NLGN2: variants seen among roughly 807,000 people sequenced by gnomAD.
NLGN2 encodes the protein neuroligin 2, also known as neuroligin-2.
NLGN2 carries 11 observed loss-of-function variants against 48.6 expected under a neutral mutation model. That is an observed-to-expected ratio of 0.23 (90% CI 0.14 to 0.37). The LOEUF (loss-of-function observed/expected upper bound fraction) is 0.37, where lower values mean the gene tolerates loss of function less well. Ranked by LOEUF, NLGN2 falls within the 10% of genes least tolerant of loss-of-function variation. The probability of loss-of-function intolerance (pLI) is 1.00; values close to 1 mark genes in which losing one functional copy is unlikely to be tolerated. For missense variants in NLGN2, 801 were observed against 1,225.2 expected, an observed-to-expected ratio of 0.65 and a Z score of 5.17; for synonymous variants, 548 against 550.0, an observed-to-expected ratio of 1.00 and a Z score of 0.05.
upstream of NLGN2, among the ~76,000 whole-genome samples, chr17:7,407,803 GGAGTGGGGA>G (rs1906703209): frequency 6.6e-6 from 1 of 152,050 alleles, no homozygotes; most frequent in Non-Finnish European, 1.5e-5. Context: ...CTGCTGGGTG[GGAGTGGGGA>G]GGTGTCAGGG....
In NLGN2 at chr17:7,408,938, C is replaced by T. The variant is rs910060034; in HGVS notation, c.457+226C>T. ...AGACAGCCTCTCCATAAGTTCTTTA[C>T]GCCCATGGGGGGCCATGGTAGGGAT... On this transcript the variant is annotated intron_variant, in intron 1 of 6. Coordinates refer to ENST00000302926, the MANE Select transcript of NLGN2 (RefSeq NM_020795.4). This position sits in a 1 kb window ranked among gnomAD's most constrained non-coding sequence, Gnocchi z 7.5. Among the ~76,000 whole-genome samples, 5 of 152,150 alleles carry T rather than the reference C, an allele frequency of 3.3e-5. No individual in the cohort carries two copies. The highest frequency in any genetic ancestry group is 4.4e-5 in the Non-Finnish European group (3 of 68,012).
At position 7,408,478 on chromosome 17, in the gene NLGN2, G is replaced by A. The variant is rs1906748938; in HGVS notation, c.223G>A (p.Ala75Thr). ...PVVQFLGVPY[A>T]TPPLGARRFQ... ...CGTGCAGTTCTTGGGCGTGCCCTAC[G>A]CCACGCCGCCCCTGGGCGCCCGCCG... Residue 75 changes from alanine to threonine, a missense_variant, in exon 1 of 7, where the codon GCC (alanine) becomes ACC (threonine). Around this residue, in one of 5 missense-constraint regions of NLGN2, gnomAD observed 164 missense variants for 186.2 expected, o/e 0.88. Transcript: ENST00000302926. The surrounding 1 kb of genome is among the most constrained non-coding windows in gnomAD (Gnocchi z 7.5). The A allele has an allele frequency of 1.3e-6, 2 of 1,524,962 alleles. No homozygotes were observed. Among genetic ancestry groups the A allele is most frequent in the South Asian group, 1.2e-5 (1 of 81,686 alleles). 94.5% of individuals were successfully genotyped at this position (1,524,962 alleles called of 1,614,324 possible).
rs759648194 is a variant in NLGN2, at chr17:7,417,322, C to T, written c.2031C>T (p.Ser677=). 1.1e-5 allele frequency: 17 copies of T among 1,610,426 alleles called. No homozygotes were observed. In the Admixed American group the frequency reaches 1.3e-4, roughly 13 times the overall value. Residue 677 remains serine (S), a synonymous_variant, in exon 7 of 7, where the codon AGC becomes AGT. Transcript: ENST00000302926. Reference sequence around the variant, plus strand: ...CACGGGACTACTCCACGGAGCTGAGCGTCACCGTGGCCGTGGGTGCCTCCC... The same window carrying T: ...CACGGGACTACTCCACGGAGCTGAGTGTCACCGTGGCCGTGGGTGCCTCCC... ...GDSRDYSTEL[S]VTVAVGASLL...
upstream of NLGN2, among the ~76,000 whole-genome samples, chr17:7,406,516 T>C (rs562528163): frequency 6.6e-6 from 1 of 152,146 alleles, no homozygotes; most frequent in African/African-American, 2.4e-5. Context: ...GCAGGGGGCA[T>C]GACTGGGTGT....
At position 7,408,028 on chromosome 17, in the gene NLGN2, C is replaced by T; in HGVS notation, c.-228C>T. On this transcript the variant is annotated 5_prime_UTR_variant, in exon 1 of 7. Coordinates refer to ENST00000302926, the MANE Select transcript of NLGN2 (RefSeq NM_020795.4). This position sits in a 1 kb window ranked among gnomAD's most constrained non-coding sequence, Gnocchi z 7.5. Reference sequence around the variant, plus strand: ...CCCCCGCAGGTCGGGCCTGCCTTCACCTTCTCCCATTTCCTTCCCCTTCCC... The same window carrying T: ...CCCCCGCAGGTCGGGCCTGCCTTCATCTTCTCCCATTTCCTTCCCCTTCCC... 2.7e-6 allele frequency: 1 copy of T among 368,200 alleles called. No homozygotes were observed. Among genetic ancestry groups the T allele is most frequent in the Non-Finnish European group, 4.8e-6 (1 of 207,620 alleles). The allele number at this position is 368,200 out of a possible 1,614,324, so 22.8% of individuals were successfully genotyped here.
chr17:7,414,284 G>C (rs571448109), intron 2 of NLGN2, 60 bp from the exon 3 acceptor site: 1 of 1,532,012 alleles, frequency 6.5e-7, no homozygotes, highest in African/African-American at 1.4e-5. Context: ...TGCTGCTTCC[G>C]GTCTGACTGT....
chr17:7,419,319 G>A lies in NLGN2; in HGVS notation c.*1520G>A, dbSNP rs1325974864. 1 of 152,906 alleles carries A rather than the reference G, an allele frequency of 6.5e-6. No individual in the cohort carries two copies. The highest frequency in any genetic ancestry group is 2.4e-5 in the African/African-American group (1 of 41,426). 9.5% of individuals were successfully genotyped at this position (152,906 alleles called of 1,614,324 possible). ...GCAGGAATAATTTGAAATGTGTGAG[G>A]TGACTCCCCGGAGGGCCTTGGGCTT... On this transcript the variant is annotated 3_prime_UTR_variant, in exon 7 of 7. Transcript: ENST00000302926.
At chr17:7,405,701 C>T, upstream of NLGN2, 1 of 154,514 alleles carries the variant, frequency 6.5e-6, no homozygotes, top group Non-Finnish European at 1.4e-5. The surrounding 1 kb of genome is among the most constrained non-coding windows in gnomAD (Gnocchi z 6.8). Context: ...CTGGTTTCCC[C>T]CAGCCTGCTC....
In NLGN2 at chr17:7,411,448, G is replaced by GT. The variant is rs1000084076; in HGVS notation, c.458-708dup. On this transcript the variant is annotated intron_variant, in intron 1 of 6. Transcript: ENST00000302926. This position sits in a 1 kb window ranked among gnomAD's most constrained non-coding sequence, Gnocchi z 4.5. ...CTGGGGTGAGAAGCCAGGCCTGTGA[G>GT]TGTGGATAGACGAGAAGTGCTGGTG... Among the ~76,000 whole-genome samples the GT allele has an allele frequency of 6.6e-6, 1 of 152,212 alleles. No individual in the cohort carries two copies. The highest frequency in any genetic ancestry group is 1.5e-5 in the Non-Finnish European group (1 of 68,038).
chr17:7,415,436 C>T (rs574831658), intron 5 of NLGN2, 75 bp from the exon 6 acceptor site: 50 of 1,322,562 alleles, frequency 3.8e-5, no homozygotes, highest in Middle Eastern at 4.5e-4. Context: ...GAAGCATCTG[C>T]GTGTGGGCTT....
chr17:7,417,040 A>T lies in NLGN2; in HGVS notation c.1749A>T (p.Ile583=). ...FNSKEKQYLH[I]GLKPRVRDNY... is the part of the protein sequence containing the mutation. ...GCAAGGAGAAGCAGTATCTGCACAT[A>T]GGCCTGAAGCCACGCGTGCGTGACA... Residue 583 remains isoleucine (I), a synonymous_variant, in exon 7 of 7, where the codon ATA becomes ATT. Coordinates refer to ENST00000302926, the MANE Select transcript of NLGN2 (RefSeq NM_020795.4). 1 of 1,614,162 alleles carries T rather than the reference A, an allele frequency of 6.2e-7. No homozygotes were observed.
chr17:7,410,099 A>G (rs1228835051), intron 1 of NLGN2, among the ~76,000 whole-genome samples: 1 of 151,998 alleles, frequency 6.6e-6, no homozygotes, highest in Non-Finnish European at 1.5e-5. Flanking sequence ...ACCGGACCTC[A>G]GGTGGTGAAA....
chr17:7,417,458 C>T lies in NLGN2; in HGVS notation c.2167C>T (p.Pro723Ser), dbSNP rs1177087375. The change falls in exon 7 of 7, where the codon CCT (proline) becomes TCT (serine). Residue 723 changes from proline to serine, a missense_variant. Physicochemically the swap from Pro to Ser is moderately conservative, Grantham distance 74. Transcript: ENST00000302926. ...SPPGGSGSGV[P>S]GGGPLLPAAG... The stretch of plus-strand genomic sequence containing the variant: ...ACCTGGCGGCTCAGGCTCTGGCGTG[C>T]CTGGTGGGGGCCCCCTGCTCCCCGC... 8 of 1,562,132 alleles carry T rather than the reference C, an allele frequency of 5.1e-6. No individual in the cohort carries two copies. Among genetic ancestry groups the T allele is most frequent in the Non-Finnish European group, 6.0e-6 (7 of 1,157,552 alleles).
Position 7,417,422 on chromosome 17 carries a change from C to T in NLGN2, c.2131C>T (p.Arg711Trp), listed in dbSNP as rs764447065. Reference sequence around the variant, plus strand: ...CCGGCGGCAGGAGCTGCGGTGCAGGCGGCTTAGCCCACCTGGCGGCTCAGG... The same window carrying T: ...CCGGCGGCAGGAGCTGCGGTGCAGGTGGCTTAGCCCACCTGGCGGCTCAGG... ...RDRRQELRCR[R>W]LSPPGGSGSG... The change falls in exon 7 of 7, where the codon CGG becomes TGG. Residue 711 changes from arginine (R) to tryptophan (W), a missense_variant. Arg to Trp is a moderately radical substitution (Grantham distance 101, BLOSUM62 -3). Transcript: ENST00000302926. The T allele has an allele frequency of 2.5e-6, 4 of 1,605,488 alleles. No homozygotes were observed. The highest frequency in any genetic ancestry group is 2.5e-6 in the Non-Finnish European group (3 of 1,177,098).
intron 6 of NLGN2, 95 bp from the exon 7 acceptor site, chr17:7,416,831 C>G: frequency 6.9e-7 from 1 of 1,447,310 alleles, no homozygotes; most frequent in Non-Finnish European, 9.5e-7. Flanking sequence ...CCCCCTGTCT[C>G]TCTGCATCTC....
chr17:7,414,015 T>G (rs1049625467), intron 2 of NLGN2, among the ~76,000 whole-genome samples: 3 of 152,094 alleles, frequency 2.0e-5, no homozygotes, highest in Non-Finnish European at 4.4e-5. Context: ...AGATGTGCTG[T>G]GTGCGGGGGT....
upstream of NLGN2, among the ~76,000 whole-genome samples, chr17:7,406,416 T>G (rs1191325138): frequency 3.3e-5 from 5 of 151,724 alleles, no homozygotes; most frequent in Non-Finnish European, 7.4e-5. Context: ...CTGAGCCCAG[T>G]CTGGCACAGG....
chr17:7,407,658 C>T (rs531902445), upstream of NLGN2, among the ~76,000 whole-genome samples: 25 of 152,254 alleles, frequency 1.6e-4, no homozygotes, highest in African/African-American at 4.6e-4. Context: ...GAGAACCTGC[C>T]TGGGAGGGAT....
Position 7,415,018 on chromosome 17 carries a change from C to G in NLGN2, c.907C>G (p.Gln303Glu). 6.2e-7 allele frequency: 1 copy of G among 1,613,132 alleles called. No individual in the cohort carries two copies. The highest frequency in any genetic ancestry group is 8.5e-7 in the Non-Finnish European group (1 of 1,180,038). ...CATTTCCAGCTGGTCTGTCAACTAC[C>G]AGCCGCTCAAGTACACGCGGCTGCT... is the stretch of plus-strand genomic sequence containing the variant. Reference protein sequence around the residue: ...TAISSWSVNYQPLKYTRLLAA... With the variant: ...TAISSWSVNYEPLKYTRLLAA... Residue 303 changes from glutamine to glutamate, a missense_variant, in exon 5 of 7, where the codon CAG becomes GAG. This residue lies in a region of NLGN2 where 303 missense variants were observed against 600.1 expected (regional missense o/e 0.50). Coordinates refer to ENST00000302926, the MANE Select transcript of NLGN2 (RefSeq NM_020795.4).
Sources: allele counts gnomAD v4.1 joint callset (sites outside exome capture counted in the v4.1 genomes callset), GRCh38; gene constraint gnomAD v4.1.1; regional missense constraint gnomAD v4.1.1; non-coding constraint Gnocchi (gnomAD v3.1); transcripts MANE v1.5; gene names NCBI Gene and HGNC (gene_info 2026-07-23, HGNC 2026-07-21).